Variants in EXOG observed in about 807,000 individuals in gnomAD.
EXOG encodes exo/endonuclease G.
A neutral mutation model predicts 25.8 loss-of-function variants in EXOG; 27 were observed. The observed-to-expected ratio is 1.05, with a 90% CI of 0.77 to 1.45. The LOEUF (loss-of-function observed/expected upper bound fraction) is 1.45. EXOG is among the 40% of genes most tolerant of loss of function. EXOG has a pLI of 0.00. For missense variants in EXOG, 458 were observed against 450.5 expected (o/e 1.02, Z -0.15); for synonymous variants, 133 against 167.0 (o/e 0.80, Z 1.57).
At chr3:38,513,532 G>A (rs1383037166) in intron 5 of EXOG, among the ~76,000 whole-genome samples, 1 of 146,702 alleles carries the variant, frequency 6.8e-6, no homozygotes, top group Non-Finnish European at 1.5e-5. Context: ...GGGTGGCAGT[G>A]TATTATAATT....
At chr3:38,512,792 T>C (rs1262425047) in intron 5 of EXOG, among the ~76,000 whole-genome samples, 2 of 152,094 alleles carry the variant, frequency 1.3e-5, no homozygotes, top group Non-Finnish European at 2.9e-5. Flanking sequence ...GGTATATATA[T>C]ATATATTTTT....
chr3:38,501,237 C>A, intron 2 of EXOG, 118 bp from the exon 3 acceptor site: 3 of 767,674 alleles, frequency 3.9e-6, no homozygotes, highest in East Asian at 2.5e-5. Flanking sequence ...TGCATGCAAT[C>A]CCTAATACTA....
intron 5 of EXOG, among the ~76,000 whole-genome samples, chr3:38,508,080 G>A (rs1038608862): frequency 6.6e-6 from 1 of 152,036 alleles, no homozygotes; most frequent in African/African-American, 2.4e-5. Context: ...GCACTGAGCC[G>A]AGATCGCACC....
intron 5 of EXOG, 97 bp downstream of exon 5, chr3:38,507,065 A>C (rs192563561): frequency 1.1e-5 from 6 of 554,476 alleles, no homozygotes; most frequent in African/African-American, 2.0e-5. Context: ...ATTCAAAAAA[A>C]ATTTTGCATT....
chr3:38,525,238 C>T lies in EXOG; in HGVS notation c.*876C>T, dbSNP rs1356201479. 5.1e-6 allele frequency: 5 copies of T among 984,634 alleles called. No homozygotes were observed. Among genetic ancestry groups the T allele is most frequent in the East Asian group, 2.3e-4 (2 of 8,820 alleles). The allele number at this position is 984,634 out of a possible 1,614,324, so 61.0% of individuals were successfully genotyped here. On this transcript the variant is annotated 3_prime_UTR_variant, in exon 6 of 6. Coordinates refer to ENST00000287675, the MANE Select transcript of EXOG (RefSeq NM_005107.4). ...AGAGCTTAGTGTCTTACCTGAGTTT[C>T]ACTTTTCCAAAGTAGTCATCCACAA...
At chr3:38,514,099 GAGA>G (rs963539982) in intron 5 of EXOG, among the ~76,000 whole-genome samples, 4 of 152,348 alleles carry the variant, frequency 2.6e-5, no homozygotes, top group Non-Finnish European at 5.9e-5. Flanking sequence ...GCATGAGGAG[GAGA>G]AGAAGGTAAA....
intron 5 of EXOG, among the ~76,000 whole-genome samples, chr3:38,516,672 T>C (rs758315063): frequency 6.6e-6 from 1 of 152,076 alleles, no homozygotes; most frequent in Non-Finnish European, 1.5e-5. Flanking sequence ...AATTACCCAA[T>C]ACTATCCTTT....
Position 38,524,525 on chromosome 3 carries a change from A to G in EXOG, c.*163A>G. The G allele has an allele frequency of 1.5e-6, 2 of 1,325,180 alleles. No homozygotes were observed. Among genetic ancestry groups the G allele is most frequent in the African/African-American group, 1.5e-5 (1 of 67,446 alleles). The allele number at this position is 1,325,180 out of a possible 1,614,324, so 82.1% of individuals were successfully genotyped here. ...GGCTGGAGTGCAGTGGTGGAATCATAGCTCACTATAGCCTCAAACTTCTGG... is the reference window on the plus strand; with the variant it reads ...GGCTGGAGTGCAGTGGTGGAATCATGGCTCACTATAGCCTCAAACTTCTGG... On this transcript the variant is annotated 3_prime_UTR_variant, in exon 6 of 6. Coordinates refer to ENST00000287675, the MANE Select transcript of EXOG (RefSeq NM_005107.4).
Position 38,496,364 on chromosome 3 carries a change from C to A in EXOG, c.-4C>A. 1 of 1,611,926 alleles carries A rather than the reference C, an allele frequency of 6.2e-7. No individual in the cohort carries two copies. The highest frequency in any genetic ancestry group is 8.5e-7 in the Non-Finnish European group (1 of 1,178,910). On this transcript the variant is annotated 5_prime_UTR_variant, in exon 1 of 6. Transcript: ENST00000287675. ...CGTGGTAAAAGGCCGGTACCTCGGG[C>A]AAGATGGCTATCAAGAGTATCGCTT...
At chr3:38,502,623 G>T (rs373496983) in intron 3 of EXOG, among the ~76,000 whole-genome samples, 1 of 152,028 alleles carries the variant, frequency 6.6e-6, no homozygotes, top group African/African-American at 2.4e-5. Context: ...ATCACACCAA[G>T]AAGTGTATAC....
In EXOG at chr3:38,525,025, C is replaced by T. The variant is rs1243176104; in HGVS notation, c.*663C>T. On this transcript the variant is annotated 3_prime_UTR_variant, in exon 6 of 6. Transcript: ENST00000287675. ...GTCCACATGCACTATATATTTGTTTCTTTTTTCTCCTCTCATGAATCTGCT... is the reference window on the plus strand; with the variant it reads ...GTCCACATGCACTATATATTTGTTTTTTTTTTCTCCTCTCATGAATCTGCT... 1 of 985,372 alleles carries T rather than the reference C, an allele frequency of 1.0e-6. No individual in the cohort carries two copies. The allele number at this position is 985,372 out of a possible 1,614,324, so 61.0% of individuals were successfully genotyped here. A position where few individuals can be genotyped will look rare whatever the true frequency, so the allele number is the denominator to read the frequency against.
At chr3:38,517,115 A>G (rs568159458) in intron 5 of EXOG, among the ~76,000 whole-genome samples, 2 of 152,312 alleles carry the variant, frequency 1.3e-5, no homozygotes, top group South Asian at 2.1e-4. Flanking sequence ...CTTTCACTCA[A>G]TAGTTTTAGC....
chr3:38,496,631 T>C, intron 1 of EXOG, 101 bp downstream of exon 1: 1 of 1,505,760 alleles, frequency 6.6e-7, no homozygotes, highest in Non-Finnish European at 8.8e-7. Flanking sequence ...CCTTCACCGT[T>C]TGCTGGGCCC....
In EXOG at chr3:38,525,518, A is replaced by T; in HGVS notation, c.*1156A>T. ...CAGGAATATTTGGGAATTAGACGGC[A>T]ATACTTTGTGGGGTTTATTAGAGCC... On this transcript the variant is annotated 3_prime_UTR_variant, in exon 6 of 6. Transcript: ENST00000287675. 1.0e-6 allele frequency: 1 copy of T among 985,422 alleles called. No individual in the cohort carries two copies. The allele number at this position is 985,422 out of a possible 1,614,324, so 61.0% of individuals were successfully genotyped here. A position where few individuals can be genotyped will look rare whatever the true frequency, so the allele number is the denominator to read the frequency against.
Position 38,524,354 on chromosome 3 carries a change from C to T in EXOG, c.1099C>T (p.Pro367Ser). Residue 367 changes from proline (P) to serine (S), a missense_variant, in exon 6 of 6, where the codon CCA becomes TCA. By Grantham distance (74) the Pro-to-Ser change is moderately conservative. Around this residue, in one of 3 missense-constraint regions of EXOG, gnomAD observed 5 missense variants for 16.3 expected, o/e 0.31. Coordinates refer to ENST00000287675, the MANE Select transcript of EXOG (RefSeq NM_005107.4). Reference protein sequence around the residue: ...KEQSGTQIRKPS With the variant: ...KEQSGTQIRKSS ...GCAGTCAGGAACCCAGATAAGAAAG[C>T]CATCCTAGTTTTTATCTCAAGATGT... 3 of 1,599,624 alleles carry T rather than the reference C, an allele frequency of 1.9e-6. No individual in the cohort carries two copies. The highest frequency in any genetic ancestry group is 2.6e-6 in the Non-Finnish European group (3 of 1,174,600).
chr3:38,526,192 G>C lies in EXOG; in HGVS notation c.*1830G>C, dbSNP rs1575687802. On this transcript the variant is annotated 3_prime_UTR_variant, in exon 6 of 6. Transcript: ENST00000287675. The stretch of plus-strand genomic sequence containing the variant: ...GGGGCATAAGAACTTGTCTGAATCT[G>C]TCATACATACCACTGCTGTCTTTTC... 2 of 985,046 alleles carry C rather than the reference G, an allele frequency of 2.0e-6. No homozygotes were observed. Among genetic ancestry groups the C allele is most frequent in the South Asian group, 9.4e-5 (2 of 21,272 alleles). 61.0% of individuals were successfully genotyped at this position (985,046 alleles called of 1,614,324 possible). A position where few individuals can be genotyped will look rare whatever the true frequency, so the allele number is the denominator to read the frequency against.
chr3:38,503,505 G>A (rs1225108255), intron 3 of EXOG, 110 bp from the exon 4 acceptor site: 6 of 601,652 alleles, frequency 1.0e-5, no homozygotes, highest in East Asian at 8.3e-5. Flanking sequence ...GTCAATAATT[G>A]CCTAGCACTA....
chr3:38,501,781 T>G (rs897509383), intron 3 of EXOG, among the ~76,000 whole-genome samples: 5 of 152,228 alleles, frequency 3.3e-5, no homozygotes, highest in Non-Finnish European at 7.3e-5. Context: ...TCACTCACTC[T>G]GTTGCCCAGG....
rs774135514 is a variant in EXOG at position 38,501,364 on chromosome 3, A to G, written c.323A>G (p.Asp108Gly). 1 of 1,613,448 alleles carries G rather than the reference A, an allele frequency of 6.2e-7. No homozygotes were observed. The highest frequency in any genetic ancestry group is 8.5e-7 in the Non-Finnish European group (1 of 1,179,402). Residue 108 changes from aspartate to glycine, a missense_variant, in exon 3 of 6, where the codon GAC (aspartate) becomes GGC (glycine). Asp to Gly is a moderately conservative substitution (Grantham distance 94). This residue lies in a region of EXOG where 275 missense variants were observed against 230.5 expected (regional missense o/e 1.19). Coordinates refer to ENST00000287675, the MANE Select transcript of EXOG (RefSeq NM_005107.4). ...GTGTGTTTTTCTTCAGGTGATGCAGACAGAAAGCATTGTAAATTTAAGCCT... is the reference window on the plus strand; with the variant it reads ...GTGTGTTTTTCTTCAGGTGATGCAGGCAGAAAGCATTGTAAATTTAAGCCT... ...ISKSKIMGDA[D>G]RKHCKFKPDP...
Sources: allele counts gnomAD v4.1 joint callset (sites outside exome capture counted in the v4.1 genomes callset), GRCh38; gene constraint gnomAD v4.1.1; regional missense constraint gnomAD v4.1.1; transcripts MANE v1.5; gene names NCBI Gene and HGNC (gene_info 2026-07-23, HGNC 2026-07-21).